Variants in SORBS2 observed in about 807,000 individuals in gnomAD.
SORBS2 encodes the protein sorbin and SH3 domain-containing protein 2.
A neutral mutation model predicts 97.7 loss-of-function variants in SORBS2; 46 were observed. The ratio of observed to expected loss-of-function variants is 0.47; its 90% CI spans 0.37 to 0.60. The LOEUF is 0.60. Ranked by LOEUF, SORBS2 falls within the 20% of genes least tolerant of loss-of-function variation. SORBS2 has a pLI of 0.00. For missense variants in SORBS2, 1,316 were observed against 1,282.3 expected, an observed-to-expected ratio of 1.03 and a Z score of -0.40; for synonymous variants, 476 against 473.4, an observed-to-expected ratio of 1.01 and a Z score of -0.07.
intron 12 of SORBS2, among the ~76,000 whole-genome samples, chr4:185,602,099 C>T (rs562975219): frequency 4.3e-4 from 65 of 151,804 alleles, no homozygotes; most frequent in Middle Eastern, 3.4e-3. Flanking sequence ...CAACCTCTGC[C>T]TCCCGGGTTC....
At chr4:185,774,932 T>C (rs1441165458) in intron 2 of SORBS2, 1 of 151,864 alleles carries the variant, frequency 6.6e-6, no homozygotes, top group Non-Finnish European at 1.5e-5. Context: ...AAAAATATGA[T>C]GTCTGAAACA....
chr4:185,831,284 C>T lies in SORBS2; in HGVS notation c.-337-55918G>A, dbSNP rs778815210. 1.2e-4 allele frequency among the ~76,000 whole-genome samples: 18 copies of T among 152,230 alleles called. No individual in the cohort carries two copies. In the East Asian group the frequency reaches 1.7e-3, roughly 15 times the overall value. On this transcript the variant is annotated intron_variant, in intron 1 of 20. Coordinates refer to the SORBS2 transcript ENST00000284776. ...CTGGCCAAATGTGGCAGAAGAAGAG[C>T]GGGTAGGTGGGGTGGCTTCAATCCA...
intron 1 of SORBS2, among the ~76,000 whole-genome samples, chr4:185,798,874 T>A (rs921109380): frequency 9.9e-5 from 15 of 152,180 alleles, no homozygotes; most frequent in African/African-American, 3.6e-4. Flanking sequence ...AAACAGGTCT[T>A]CTCCATTCCC....
intron 1 of SORBS2, among the ~76,000 whole-genome samples, chr4:185,780,812 G>A (rs1450441254): frequency 6.6e-6 from 1 of 152,190 alleles, no homozygotes; most frequent in Admixed American, 6.5e-5. Context: ...ATCAAGTGAG[G>A]TGAAAATCTT....
At chr4:185,596,018 C>T (rs1447082656) in intron 12 of SORBS2, among the ~76,000 whole-genome samples, 2 of 152,056 alleles carry the variant, frequency 1.3e-5, no homozygotes, top group Non-Finnish European at 2.9e-5. Flanking sequence ...TACTCTTTCC[C>T]CAAAACAATC....
intron 4 of SORBS2, chr4:185,665,737 G>A (rs1057296177): frequency 1.9e-5 from 19 of 1,006,756 alleles, no homozygotes; most frequent in Non-Finnish European, 2.1e-5. Context: ...AATTACATGA[G>A]TGGCCGCAGG....
At chr4:185,895,832 A>G (rs1048634260) in intron 1 of SORBS2, among the ~76,000 whole-genome samples, 2 of 152,250 alleles carry the variant, frequency 1.3e-5, no homozygotes, top group Non-Finnish European at 2.9e-5. Context: ...TTTAATTTTC[A>G]AATAATTCTG....
chr4:185,604,766 A>G (rs2096366284), intron 12 of SORBS2, among the ~76,000 whole-genome samples: 1 of 152,176 alleles, frequency 6.6e-6, no homozygotes. Flanking sequence ...GGAGATAGGA[A>G]CACCTATATT....
At chr4:185,826,773 A>C (rs1338552570) in intron 1 of SORBS2, among the ~76,000 whole-genome samples, 1 of 152,224 alleles carries the variant, frequency 6.6e-6, no homozygotes, top group Non-Finnish European at 1.5e-5. Context: ...TAAAATGGGA[A>C]TCAGAAGACA....
chr4:185,664,047 G>C (rs926453155), intron 4 of SORBS2, among the ~76,000 whole-genome samples: 4 of 151,412 alleles, frequency 2.6e-5, no homozygotes, highest in African/African-American at 9.7e-5. Context: ...GTAGAGACGG[G>C]GTTTCACCAT....
intron 1 of SORBS2, among the ~76,000 whole-genome samples, chr4:185,821,096 T>C (rs987005389): frequency 2.6e-5 from 4 of 152,248 alleles, no homozygotes; most frequent in Admixed American, 1.3e-4. Context: ...CAAATAGTGA[T>C]GTTCCAGTGT....
At chr4:185,650,208 A>G (rs2097289457) in intron 2 of SORBS2, among the ~76,000 whole-genome samples, 1 of 152,248 alleles carries the variant, frequency 6.6e-6, no homozygotes, top group Admixed American at 6.5e-5. Context: ...TCAGACACAA[A>G]TAGAATTATG....
At chr4:185,950,930 T>C (rs1012840665) in intron 1 of SORBS2, among the ~76,000 whole-genome samples, 1 of 152,188 alleles carries the variant, frequency 6.6e-6, no homozygotes, top group Non-Finnish European at 1.5e-5. Flanking sequence ...AATGAACCCC[T>C]ATAAGTATTT....
At chr4:185,742,866 A>G (rs766233527) in intron 2 of SORBS2, among the ~76,000 whole-genome samples, 1 of 152,232 alleles carries the variant, frequency 6.6e-6, no homozygotes, top group Non-Finnish European at 1.5e-5. Flanking sequence ...CACCTGGGAC[A>G]CACGAGCTTC....
At chr4:185,692,338 C>T (rs11132335) in intron 2 of SORBS2, among the ~76,000 whole-genome samples, 1 of 152,118 alleles carries the variant, frequency 6.6e-6, no homozygotes. Flanking sequence ...TTATTTATTC[C>T]TTTTGGATGA....
intron 2 of SORBS2, among the ~76,000 whole-genome samples, chr4:185,751,190 A>AAAAAAAAAAAAAAAAAAAAAGAAAAAG: frequency 1.2e-5 from 1 of 86,426 alleles, no homozygotes; most frequent in Non-Finnish European, 2.5e-5. Context: ...AAAAAAAAAA[A>AAAAAAAAAAAAAAAAAAAAAGAAAAAG]AGAGAAAGAG....
chr4:185,880,689 A>T (rs1484278513), intron 1 of SORBS2, among the ~76,000 whole-genome samples: 5 of 152,220 alleles, frequency 3.3e-5, no homozygotes, highest in Non-Finnish European at 7.3e-5. Flanking sequence ...TCCATCAACA[A>T]ACATTGTGCT....
intron 2 of SORBS2, among the ~76,000 whole-genome samples, chr4:185,763,425 A>C (rs2153612790): frequency 6.6e-6 from 1 of 152,262 alleles, no homozygotes; most frequent in Admixed American, 6.5e-5. Flanking sequence ...CCCTGGCCCA[A>C]GCCCCCGACC....
chr4:185,759,367 T>A (rs2098850483), intron 2 of SORBS2, among the ~76,000 whole-genome samples: 1 of 152,240 alleles, frequency 6.6e-6, no homozygotes, highest in Admixed American at 6.5e-5. Context: ...CATTGCCCTC[T>A]TTGTACATGT....
Sources: allele counts gnomAD v4.1 joint callset (sites outside exome capture counted in the v4.1 genomes callset), GRCh38; gene constraint gnomAD v4.1.1; transcripts MANE v1.5; gene names NCBI Gene and HGNC (gene_info 2026-07-23, HGNC 2026-07-21).